Variants in IL1RAPL1 observed in about 807,000 individuals in gnomAD.
IL1RAPL1 encodes the protein interleukin-1 receptor accessory protein-like 1.
In IL1RAPL1, 3 loss-of-function variants were observed where a neutral mutation model predicts 48.4. The ratio of observed to expected loss-of-function variants is 0.06; its 90% confidence interval spans 0.03 to 0.16. The LOEUF is 0.16. Ranked by LOEUF, IL1RAPL1 falls within the 10% of genes least tolerant of loss-of-function variation. The pLI is 1.00. For synonymous variants in IL1RAPL1, 185 were observed against 187.7 expected (o/e 0.99, Z 0.12); for missense variants, 349 against 530.6 (o/e 0.66, Z 3.36).
chrX:29,634,045 TAC>T (rs745754573), intron 5 of IL1RAPL1, among the ~76,000 whole-genome samples: 38 of 111,984 alleles, frequency 3.4e-4, no homozygotes, highest in Non-Finnish European at 7.5e-5. Flanking sequence ...AAAAATATTG[TAC>T]AGACAAGAAG....
At chrX:29,879,244 G>A (rs1165512547) in intron 6 of IL1RAPL1, among the ~76,000 whole-genome samples, 1 of 109,945 alleles carries the variant, frequency 9.1e-6, no homozygotes, top group African/African-American at 3.3e-5. Context: ...GTGGTTGCCT[G>A]GGATTAGGAG....
chrX:28,701,033 T>G (rs1300064251), intron 1 of IL1RAPL1, among the ~76,000 whole-genome samples: 1 of 111,860 alleles, frequency 8.9e-6, no homozygotes, highest in African/African-American at 3.2e-5. Context: ...TGTGTCTTTA[T>G]AGTAGAATGT....
intron 6 of IL1RAPL1, among the ~76,000 whole-genome samples, chrX:29,766,493 TTA>T (rs1212125039): frequency 1.1e-5 from 1 of 92,450 alleles, no homozygotes; most frequent in Non-Finnish European, 2.1e-5. Context: ...ATATATATAT[TTA>T]TATATATATG....
intron 2 of IL1RAPL1, among the ~76,000 whole-genome samples, chrX:28,902,717 G>A (rs1923111900): frequency 9.0e-6 from 1 of 111,504 alleles, no homozygotes; most frequent in Admixed American, 9.6e-5. Flanking sequence ...CCAAACGTCG[G>A]GCCACAGACC....
intron 2 of IL1RAPL1, among the ~76,000 whole-genome samples, chrX:28,892,894 A>C (rs1601947113): frequency 8.9e-6 from 1 of 111,762 alleles, no homozygotes; most frequent in East Asian, 2.8e-4. Context: ...TTAAAGGCCT[A>C]AGAATTGGGA....
chrX:29,915,800 C>T (rs1256536576), intron 6 of IL1RAPL1, among the ~76,000 whole-genome samples: 1 of 83,980 alleles, frequency 1.2e-5, no homozygotes, highest in East Asian at 3.7e-4. Context: ...GCACATTGTG[C>T]AGGTTAGTTA....
chrX:29,511,167 C>T (rs1935389869), intron 5 of IL1RAPL1, among the ~76,000 whole-genome samples: 1 of 112,014 alleles, frequency 8.9e-6, no homozygotes, highest in African/African-American at 3.2e-5. Flanking sequence ...CTTAGCTGTT[C>T]CTAGATACTA....
At chrX:29,348,315 TAG>T (rs753133512) in intron 3 of IL1RAPL1, among the ~76,000 whole-genome samples, 1 of 111,234 alleles carries the variant, frequency 9.0e-6, no homozygotes, top group Admixed American at 9.6e-5. Flanking sequence ...TTACCTAAGA[TAG>T]AGAGAGAGAA....
rs753582133 is a variant in IL1RAPL1 at position 29,613,712 on chromosome X, C to CGTGTGT, written c.704-54677_704-54672dup. Among the ~76,000 whole-genome samples, 384 of 58,785 alleles carry CGTGTGT rather than the reference C, an allele frequency of 6.5e-3. 3 individuals are homozygous for CGTGTGT. Among genetic ancestry groups the CGTGTGT allele is most frequent in the South Asian group, 0.018 (12 of 659 alleles). 51.0% of individuals were successfully genotyped at this position (58,785 alleles called of 115,157 possible). A position where few individuals can be genotyped will look rare whatever the true frequency, so the allele number is the denominator to read the frequency against. On this transcript the variant is annotated intron_variant, in intron 5 of 10. Coordinates refer to ENST00000378993, the MANE Select transcript of IL1RAPL1 (RefSeq NM_014271.4). ...CAAATGGGAGAAGCTGGGTTTTTTT[C>CGTGTGT]GTGTGTGTGTGTGTGTGTGTGTGTG...
intron 6 of IL1RAPL1, among the ~76,000 whole-genome samples, chrX:29,903,181 T>TGA (rs150036981): frequency 1.9e-4 from 18 of 95,681 alleles, no homozygotes; most frequent in Admixed American, 6.6e-4. Flanking sequence ...TGTGTGTGTG[T>TGA]GTGAGAGAGA....
At chrX:28,667,640 C>G (rs942012651) in intron 1 of IL1RAPL1, among the ~76,000 whole-genome samples, 1 of 112,149 alleles carries the variant, frequency 8.9e-6, no homozygotes. Flanking sequence ...ATGTTCTGAA[C>G]CTGTCTTAGG....
intron 2 of IL1RAPL1, among the ~76,000 whole-genome samples, chrX:29,100,177 C>A (rs1380075263): frequency 5.4e-5 from 6 of 110,961 alleles, no homozygotes; most frequent in African/African-American, 2.0e-4. Flanking sequence ...GTGCCACTGC[C>A]CTCCAGCCTG....
chrX:28,643,184 C>T (rs777526022), intron 1 of IL1RAPL1, among the ~76,000 whole-genome samples: 14 of 111,636 alleles, frequency 1.3e-4, no homozygotes, highest in Non-Finnish European at 1.7e-4. Context: ...CCACCGCACC[C>T]GGCAGTATGT....
chrX:29,303,845 C>G (rs1288341248), intron 3 of IL1RAPL1, among the ~76,000 whole-genome samples: 5 of 112,189 alleles, frequency 4.5e-5, no homozygotes, highest in African/African-American at 1.6e-4. Flanking sequence ...ATCTGTACTT[C>G]ATACTTAATG....
intron 3 of IL1RAPL1, among the ~76,000 whole-genome samples, chrX:29,361,395 G>A (rs1315645012): frequency 9.0e-6 from 1 of 111,702 alleles, no homozygotes; most frequent in Non-Finnish European, 1.9e-5. Context: ...GGCAAAAGGT[G>A]CGGATACAGT....
At chrX:29,406,706 T>C (rs1373932815) in intron 5 of IL1RAPL1, among the ~76,000 whole-genome samples, 1 of 97,084 alleles carries the variant, frequency 1.0e-5, no homozygotes, top group Non-Finnish European at 2.0e-5. Context: ...TCAAATAACA[T>C]CAGTTTTCTT....
At chrX:29,495,885 C>T (rs947319135) in intron 5 of IL1RAPL1, among the ~76,000 whole-genome samples, 3 of 110,908 alleles carry the variant, frequency 2.7e-5, no homozygotes, top group Admixed American at 1.9e-4. Context: ...TCCTCTCTCT[C>T]TCTCTCTCTG....
chrX:29,131,090 T>C (rs1479281407), intron 2 of IL1RAPL1, among the ~76,000 whole-genome samples: 4 of 111,637 alleles, frequency 3.6e-5, no homozygotes, highest in African/African-American at 9.8e-5. Flanking sequence ...GATGTGTTAC[T>C]GCATTTCACA....
chrX:29,175,442 A>G (rs1193120811), intron 2 of IL1RAPL1, among the ~76,000 whole-genome samples: 6 of 111,967 alleles, frequency 5.4e-5, no homozygotes, highest in Non-Finnish European at 9.4e-5. Flanking sequence ...GTAAAATGCA[A>G]TTCAGTATTT....
Sources: allele counts gnomAD v4.1 joint callset (sites outside exome capture counted in the v4.1 genomes callset), GRCh38; gene constraint gnomAD v4.1.1; transcripts MANE v1.5; gene names NCBI Gene and HGNC (gene_info 2026-07-23, HGNC 2026-07-21).